The following ZFHX4 variants were observed in gnomAD, a reference collection of about 807,000 sequenced individuals.
ZFHX4 encodes the protein zinc finger homeobox 4, also known as zinc finger homeobox protein 4.
A neutral mutation model predicts 267.6 loss-of-function variants in ZFHX4; 56 were observed. The observed-to-expected ratio is 0.21, with a 90% CI of 0.17 to 0.26. ZFHX4 has a LOEUF of 0.26. Ranked by LOEUF, ZFHX4 falls within the 10% of genes least tolerant of loss-of-function variation. The pLI is 1.00. For missense variants in ZFHX4, 4,332 were observed against 4,420.0 expected, an observed-to-expected ratio of 0.98 and a Z score of 0.56; for synonymous variants, 1,778 against 1,665.6, an observed-to-expected ratio of 1.07 and a Z score of -1.64.
chr8:76,859,434 G>A (rs1395423097), intron 10 of ZFHX4, among the ~76,000 whole-genome samples: 3 of 151,790 alleles, frequency 2.0e-5, no homozygotes, highest in Non-Finnish European at 2.9e-5. Flanking sequence ...GAATATCAAC[G>A]TATGTTTATA....
In ZFHX4 at chr8:76,863,358, A is replaced by C. The variant is rs755225920; in HGVS notation, c.9644A>C (p.His3215Pro). 2.5e-6 allele frequency: 4 copies of C among 1,613,756 alleles called. No homozygotes were observed. Among genetic ancestry groups the C allele is most frequent in the Non-Finnish European group, 3.4e-6 (4 of 1,179,832 alleles). ...EELEATKPEK[H>P]PKKEEKISSA... ...TTAGAGGCCACCAAACCCGAAAAAC[A>C]CCCCAAAAAAGAGGAAAAAATCTCA... is the stretch of plus-strand genomic sequence containing the variant. The change falls in exon 11 of 11, where the codon CAC becomes CCC. Residue 3215 changes from histidine (H) to proline (P), a missense_variant. Coordinates refer to ENST00000651372, the MANE Select transcript of ZFHX4 (RefSeq NM_024721.5).
intron 4 of ZFHX4, among the ~76,000 whole-genome samples, chr8:76,828,428 A>C (rs566491123): frequency 8.5e-5 from 13 of 152,220 alleles, no homozygotes; most frequent in Non-Finnish European, 1.9e-4. Flanking sequence ...CTTTAGAAAA[A>C]GTTAAACTGT....
intron 1 of ZFHX4, among the ~76,000 whole-genome samples, chr8:76,701,825 G>T (rs187501132): frequency 6.6e-6 from 1 of 152,106 alleles, no homozygotes; most frequent in East Asian, 1.9e-4. Context: ...TCAGATATGT[G>T]CATCATGCCT....
chr8:76,755,765 C>G (rs370199417), intron 3 of ZFHX4, among the ~76,000 whole-genome samples: 3 of 152,070 alleles, frequency 2.0e-5, no homozygotes, highest in Non-Finnish European at 2.9e-5. Flanking sequence ...CACAACAGAG[C>G]CTTTGCGACT....
chr8:76,820,967 G>A (rs761917443), intron 4 of ZFHX4, among the ~76,000 whole-genome samples: 3 of 151,956 alleles, frequency 2.0e-5, no homozygotes, highest in Non-Finnish European at 4.4e-5. Flanking sequence ...TGTATTGTTC[G>A]CATCCATTTT....
chr8:76,848,786 A>C (rs2131932784), intron 6 of ZFHX4, among the ~76,000 whole-genome samples: 1 of 152,308 alleles, frequency 6.6e-6, no homozygotes, highest in Middle Eastern at 3.4e-3. Flanking sequence ...AAACAGGAGT[A>C]CATTTTAAAA....
At chr8:76,778,544 G>A (rs1162157204) in intron 4 of ZFHX4, 105 bp downstream of exon 4, 22 of 936,576 alleles carry the variant, frequency 2.3e-5, no homozygotes, top group East Asian at 7.4e-5. Flanking sequence ...TCTCCAACTC[G>A]AGCCTGTCCC....
chr8:76,752,947 G>A (rs1452815797), intron 3 of ZFHX4, among the ~76,000 whole-genome samples: 1 of 152,116 alleles, frequency 6.6e-6, no homozygotes, highest in African/African-American at 2.4e-5. Context: ...CACTTGAAAA[G>A]GTTCTGGGTT....
chr8:76,741,013 T>A lies in ZFHX4; in HGVS notation c.3093+32965T>A, dbSNP rs369317817. Among the ~76,000 whole-genome samples the A allele has an allele frequency of 9.2e-5, 14 of 152,202 alleles. No homozygotes were observed. The East Asian group carries it at 2.3e-3, about 25-fold the overall frequency. On this transcript the variant is annotated intron_variant, in intron 3 of 10. Coordinates refer to ENST00000651372, the MANE Select transcript of ZFHX4 (RefSeq NM_024721.5). ...TGAGATTTCCAAGTAAAACCAGGCATGCATGGAAGTACCTCTACATAGGAG... is the reference window on the plus strand; with the variant it reads ...TGAGATTTCCAAGTAAAACCAGGCAAGCATGGAAGTACCTCTACATAGGAG...
intron 3 of ZFHX4, among the ~76,000 whole-genome samples, chr8:76,740,055 A>G (rs1426358865): frequency 6.6e-6 from 1 of 152,196 alleles, no homozygotes; most frequent in Non-Finnish European, 1.5e-5. Context: ...TAGACCATTT[A>G]TATATGGTGT....
intron 3 of ZFHX4, among the ~76,000 whole-genome samples, chr8:76,745,774 A>G (rs1308307114): frequency 6.6e-6 from 1 of 152,216 alleles, no homozygotes; most frequent in Non-Finnish European, 1.5e-5. Context: ...AATTTTCTTA[A>G]TGATTAAAAT....
intron 3 of ZFHX4, among the ~76,000 whole-genome samples, chr8:76,747,723 G>T (rs1809497653): frequency 6.6e-6 from 1 of 152,106 alleles, no homozygotes; most frequent in Non-Finnish European, 1.5e-5. Flanking sequence ...CCTGAGGTCA[G>T]GAGTTTGAGA....
intron 1 of ZFHX4, among the ~76,000 whole-genome samples, chr8:76,700,188 C>G (rs1467636174): frequency 6.6e-6 from 1 of 151,750 alleles, no homozygotes; most frequent in African/African-American, 2.4e-5. Context: ...AACTTTTAAC[C>G]CATGTAAAAT....
At position 76,863,502 on chromosome 8, in the gene ZFHX4, T is replaced by C. The variant is rs1812934336; in HGVS notation, c.9788T>C (p.Leu3263Ser). The C allele has an allele frequency of 6.2e-7, 1 of 1,613,712 alleles. No homozygotes were observed. The change falls in exon 11 of 11, where the codon TTG (leucine) becomes TCG (serine). Residue 3263 changes from leucine (L) to serine (S), a missense_variant. Physicochemically the swap from Leu to Ser is moderately radical, Grantham distance 145 (BLOSUM62 -2). Around this residue, in one of 7 missense-constraint regions of ZFHX4, gnomAD observed 1,648 missense variants for 1,625.0 expected, o/e 1.01. Transcript: ENST00000651372. The stretch of plus-strand genomic sequence containing the variant: ...GCTTCCTTTATAGGCGGACAGTTCT[T>C]GCCATACTTTATCCCTGGGTTTGCT... The part of the protein sequence containing the change: ...DPASFIGGQF[L>S]PYFIPGFASY...
intron 3 of ZFHX4, among the ~76,000 whole-genome samples, chr8:76,726,161 T>G (rs1808847826): frequency 1.3e-5 from 2 of 152,170 alleles, no homozygotes; most frequent in South Asian, 2.1e-4. Flanking sequence ...TAAGTTTTTT[T>G]TTTGGAAATT....
rs549077758 is a variant in ZFHX4 at position 76,798,128 on chromosome 8, G to A, written c.3325+19689G>A. On this transcript the variant is annotated intron_variant, in intron 4 of 10. Transcript: ENST00000651372. ...ATTACATTAGGAATTCAATACAGAGGAAGGGTACACAAAATCATTACTAAA... is the reference window on the plus strand; with the variant it reads ...ATTACATTAGGAATTCAATACAGAGAAAGGGTACACAAAATCATTACTAAA... 2.7e-3 allele frequency among the ~76,000 whole-genome samples: 417 copies of A among 152,280 alleles called. 1 individual carries two copies. The highest frequency in any genetic ancestry group is 4.6e-3 in the Non-Finnish European group (311 of 68,016).
rs758575163 is a variant in ZFHX4 at position 76,852,490 on chromosome 8, G to A, written c.5569G>A (p.Glu1857Lys). The A allele has an allele frequency of 1.3e-6, 2 of 1,595,300 alleles. No individual in the cohort carries two copies. Among genetic ancestry groups the A allele is most frequent in the East Asian group, 2.3e-5 (1 of 44,188 alleles). The change falls in exon 10 of 11, where the codon GAG (glutamate) becomes AAG (lysine). Residue 1857 changes from glutamate (E) to lysine (K), a missense_variant. By Grantham distance (56) the Glu-to-Lys change is moderately conservative (BLOSUM62 1). Transcript: ENST00000651372. ...CATGAAGGATGTGCCATCTTATAAG[G>A]AGGCAGAAGATATTTCTGAAAAGCC... ...QIMKDVPSYKEAEDISEKPEK... is the reference protein window; with the variant it reads ...QIMKDVPSYKKAEDISEKPEK...
intron 3 of ZFHX4, among the ~76,000 whole-genome samples, chr8:76,762,961 C>T (rs1392587009): frequency 6.6e-6 from 1 of 152,198 alleles, no homozygotes; most frequent in African/African-American, 2.4e-5. Context: ...ACACTAAGAT[C>T]TGTCCTTGAC....
chr8:76,788,576 C>A (rs1179284278), intron 4 of ZFHX4, among the ~76,000 whole-genome samples: 6 of 152,136 alleles, frequency 3.9e-5, no homozygotes, highest in Non-Finnish European at 7.4e-5. Context: ...TAACATGAAT[C>A]GTTTCTGAGT....
Sources: allele counts gnomAD v4.1 joint callset (sites outside exome capture counted in the v4.1 genomes callset), GRCh38; gene constraint gnomAD v4.1.1; regional missense constraint gnomAD v4.1.1; transcripts MANE v1.5; gene names NCBI Gene and HGNC (gene_info 2026-07-23, HGNC 2026-07-21).